Variants in NFIA observed in about 807,000 individuals in gnomAD.
NFIA encodes nuclear factor I A.
In NFIA, 8 loss-of-function variants were observed where a neutral mutation model predicts 62.8. The ratio of observed to expected loss-of-function variants is 0.13; its 90% confidence interval spans 0.07 to 0.23. The LOEUF (loss-of-function observed/expected upper bound fraction) is 0.23. Ranked by LOEUF, NFIA falls within the 10% of genes least tolerant of loss-of-function variation. NFIA has a pLI of 1.00. For synonymous variants in NFIA, 235 were observed against 238.1 expected, an observed-to-expected ratio of 0.99 and a Z score of 0.12; for missense variants, 410 against 642.1, an observed-to-expected ratio of 0.64 and a Z score of 3.91.
intron 3 of NFIA, among the ~76,000 whole-genome samples, chr1:61,316,592 A>G (rs1343692839): frequency 1.3e-5 from 2 of 152,168 alleles, no homozygotes; most frequent in Non-Finnish European, 2.9e-5. Flanking sequence ...TTCCCCTCCG[A>G]ATGCTGATAA....
chr1:61,135,986 A>G (rs1036401681), intron 2 of NFIA, among the ~76,000 whole-genome samples: 1 of 152,208 alleles, frequency 6.6e-6, no homozygotes, highest in Admixed American at 6.5e-5. Flanking sequence ...TTACGCTCGC[A>G]TACATGTAGC....
chr1:61,372,760 A>G (rs996759768), intron 6 of NFIA, among the ~76,000 whole-genome samples: 2 of 152,098 alleles, frequency 1.3e-5, no homozygotes, highest in Non-Finnish European at 2.9e-5. Context: ...TGGTTCATAC[A>G]TTTTGTTTTG....
chr1:61,220,474 T>TAATTA (rs1401118190), intron 2 of NFIA, among the ~76,000 whole-genome samples: 1 of 152,222 alleles, frequency 6.6e-6, no homozygotes, highest in East Asian at 1.9e-4. Context: ...CAATGCGGTA[T>TAATTA]TTAGACCACT....
intron 9 of NFIA, among the ~76,000 whole-genome samples, chr1:61,423,435 C>T (rs541032092): frequency 6.6e-6 from 1 of 152,198 alleles, no homozygotes; most frequent in Non-Finnish European, 1.5e-5. Flanking sequence ...AAATGTCCTA[C>T]AATAATCTCC....
Position 61,375,614 on chromosome 1 carries a change from C to T in NFIA, c.947-7623C>T, listed in dbSNP as rs534002583. ...AGCAAGAGCTTTGGTTTCCTGGGTT[C>T]AAATCCTGGCTCCTCCACTCACTGA... On this transcript the variant is annotated intron_variant, in intron 6 of 10. Transcript: ENST00000403491. 5.3e-5 allele frequency among the ~76,000 whole-genome samples: 8 copies of T among 152,238 alleles called. No homozygotes were observed. In the South Asian group the frequency reaches 1.7e-3, roughly 32 times the overall value.
chr1:61,412,156 G>A (rs902992971), intron 9 of NFIA, among the ~76,000 whole-genome samples: 8 of 152,092 alleles, frequency 5.3e-5, no homozygotes, highest in African/African-American at 1.4e-4. Context: ...TAAAATGAGC[G>A]TCTTCTACAT....
intron 2 of NFIA, among the ~76,000 whole-genome samples, chr1:61,262,824 G>T (rs1656850205): frequency 6.6e-6 from 1 of 152,152 alleles, no homozygotes; most frequent in Non-Finnish European, 1.5e-5. Context: ...GGAGGTGATA[G>T]CCAGAATCAA....
chr1:61,247,314 T>C (rs1410193927), intron 2 of NFIA, among the ~76,000 whole-genome samples: 1 of 152,184 alleles, frequency 6.6e-6, no homozygotes, highest in African/African-American at 2.4e-5. Context: ...TCACAGACTT[T>C]CATGTTTCAT....
chr1:61,174,214 T>C (rs1303089182), intron 2 of NFIA, among the ~76,000 whole-genome samples: 1 of 152,204 alleles, frequency 6.6e-6, no homozygotes, highest in Non-Finnish European at 1.5e-5. Flanking sequence ...ATGTGGTTAC[T>C]GAAGCCCTGC....
At chr1:61,293,715 A>G (rs1327083638) in intron 3 of NFIA, among the ~76,000 whole-genome samples, 1 of 152,214 alleles carries the variant, frequency 6.6e-6, no homozygotes, top group Non-Finnish European at 1.5e-5. Flanking sequence ...ACTTCATGTA[A>G]TCTCACTAAC....
intron 10 of NFIA, among the ~76,000 whole-genome samples, chr1:61,448,854 A>G (rs113592943): frequency 0.01 from 1,561 of 152,304 alleles, 25 homozygotes; most frequent in African/African-American, 0.036. Flanking sequence ...TAAGAGAGAC[A>G]CTAGGGCAAG....
At chr1:61,112,035 T>G (rs1179697843) in intron 2 of NFIA, among the ~76,000 whole-genome samples, 1 of 152,056 alleles carries the variant, frequency 6.6e-6, no homozygotes, top group Non-Finnish European at 1.5e-5. Flanking sequence ...ACAATTACAC[T>G]AATTAACATC....
intron 2 of NFIA, among the ~76,000 whole-genome samples, chr1:61,090,112 C>CT: frequency 6.6e-6 from 1 of 152,056 alleles, no homozygotes. Context: ...ATAAGTAGCC[C>CT]TTTTTTAACC....
At chr1:61,120,557 C>T (rs1646871444) in intron 2 of NFIA, among the ~76,000 whole-genome samples, 1 of 152,134 alleles carries the variant, frequency 6.6e-6, no homozygotes. Context: ...CACAGAGCTG[C>T]CATCAAAAGA....
At chr1:61,288,462 G>A (rs1489862032) in intron 3 of NFIA, among the ~76,000 whole-genome samples, 1 of 152,100 alleles carries the variant, frequency 6.6e-6, no homozygotes, top group African/African-American at 2.4e-5. Context: ...AAAGAATAGT[G>A]TTCACAGATT....
chr1:61,273,597 C>T (rs1003626897), intron 2 of NFIA, among the ~76,000 whole-genome samples: 6 of 152,172 alleles, frequency 3.9e-5, no homozygotes, highest in East Asian at 1.9e-4. Context: ...ATTGAAATTT[C>T]GTCTCTTCAG....
intron 2 of NFIA, among the ~76,000 whole-genome samples, chr1:61,226,939 C>A (rs2100625420): frequency 6.6e-6 from 1 of 152,332 alleles, no homozygotes; most frequent in Admixed American, 6.5e-5. Context: ...ACTCCAAAGG[C>A]CTGGGAGCTG....
chr1:61,339,032 G>A (rs1052368003), intron 4 of NFIA, among the ~76,000 whole-genome samples: 5 of 152,210 alleles, frequency 3.3e-5, no homozygotes, highest in African/African-American at 1.2e-4. Context: ...AGCATGAACA[G>A]TTGCCGTGAC....
In NFIA at chr1:61,205,555, G is replaced by T. The variant is rs534893854; in HGVS notation, c.560-71965G>T. ...TTTATGCTGGAGGTTGCAATTTTTTGAATTTTTGCAATCAGACCTTGGCGA... is the reference window on the plus strand; with the variant it reads ...TTTATGCTGGAGGTTGCAATTTTTTTAATTTTTGCAATCAGACCTTGGCGA... On this transcript the variant is annotated intron_variant, in intron 2 of 10. Transcript: ENST00000403491. Among the ~76,000 whole-genome samples the T allele has an allele frequency of 1.2e-4, 18 of 152,216 alleles. No homozygotes were observed. The East Asian group carries it at 3.3e-3, about 28-fold the overall frequency.
Sources: allele counts gnomAD v4.1 joint callset (sites outside exome capture counted in the v4.1 genomes callset), GRCh38; gene constraint gnomAD v4.1.1; transcripts MANE v1.5; gene names NCBI Gene and HGNC (gene_info 2026-07-23, HGNC 2026-07-21).